The following CNTN6 variants were observed in gnomAD, a reference collection of about 807,000 sequenced individuals.
CNTN6 encodes contactin 6.
CNTN6 carries 137 observed loss-of-function variants against 122.8 expected under a neutral mutation model. The observed-to-expected ratio is 1.12, with a 90% confidence interval of 0.97 to 1.29. The LOEUF is 1.29. CNTN6 is among the 50% of genes most tolerant of loss of function. CNTN6 has a pLI of 0.00. For synonymous variants in CNTN6, 570 were observed against 426.0 expected (o/e 1.34, Z -4.16); for missense variants, 1,634 against 1,223.4 (o/e 1.34, Z -5.01).
chr3:1,134,914 G>T (rs1226939636), intron 1 of CNTN6, among the ~76,000 whole-genome samples: 2 of 152,036 alleles, frequency 1.3e-5, no homozygotes. Flanking sequence ...TTAGTCCCCT[G>T]CCCTTGGAGA....
At chr3:1,262,906 T>C (rs969155799) in intron 4 of CNTN6, among the ~76,000 whole-genome samples, 11 of 152,122 alleles carry the variant, frequency 7.2e-5, no homozygotes, top group African/African-American at 2.4e-4. Flanking sequence ...AAGAAGATAA[T>C]TGGTATAATA....
In CNTN6 at chr3:1,383,414, C is replaced by G. The variant is rs764339030; in HGVS notation, c.2517+6C>G. On this transcript the variant is annotated splice_donor_region_variant and intron_variant, in intron 19 of 22. Transcript: ENST00000446702. ...GAAGAGTGCTGGGCTATGAGGTAAT[C>G]CACATTAATTTCACTTTTGCTTATG... 6 of 1,607,418 alleles carry G rather than the reference C, an allele frequency of 3.7e-6. No homozygotes were observed. The highest frequency in any genetic ancestry group is 5.1e-6 in the Non-Finnish European group (6 of 1,174,176).
At chr3:1,097,279 G>A (rs1225716420) in intron 1 of CNTN6, among the ~76,000 whole-genome samples, 2 of 152,124 alleles carry the variant, frequency 1.3e-5, no homozygotes, top group African/African-American at 4.8e-5. Flanking sequence ...TTACAGAAAC[G>A]TTACATCATA....
chr3:1,214,413 A>G (rs1239675898), intron 2 of CNTN6, among the ~76,000 whole-genome samples: 1 of 142,418 alleles, frequency 7.0e-6, no homozygotes, highest in East Asian at 2.2e-4. Context: ...AGTTCAAGCG[A>G]TTCTCCTGCC....
chr3:1,229,857 C>T (rs1001503933), intron 4 of CNTN6, among the ~76,000 whole-genome samples: 1 of 152,110 alleles, frequency 6.6e-6, no homozygotes, highest in Non-Finnish European at 1.5e-5. Flanking sequence ...ATTTCTATTA[C>T]CTTTAATGCA....
chr3:1,330,644 A>C (rs879517526), intron 11 of CNTN6, among the ~76,000 whole-genome samples: 2 of 151,842 alleles, frequency 1.3e-5, no homozygotes, highest in African/African-American at 2.4e-5. Flanking sequence ...ATTAAATCCT[A>C]ATGTGAACGA....
At chr3:1,387,195 T>C (rs190918985) in intron 20 of CNTN6, among the ~76,000 whole-genome samples, 1 of 151,910 alleles carries the variant, frequency 6.6e-6, no homozygotes, top group Non-Finnish European at 1.5e-5. Context: ...TGGAAGCATC[T>C]TAGAAAATAC....
At position 1,295,598 on chromosome 3, in the gene CNTN6, C is replaced by G; in HGVS notation, c.455-3C>G. On this transcript the variant is annotated splice_polypyrimidine_tract_variant and splice_region_variant and intron_variant, in intron 5 of 22. Coordinates refer to ENST00000446702, the MANE Select transcript of CNTN6 (RefSeq NM_001289080.2). Reference sequence around the variant, plus strand: ...TTGTTTTGTTTTGTTTCTTGTTTTTCAGATTTATCTTATGCATGGACCTTC... The same window carrying G: ...TTGTTTTGTTTTGTTTCTTGTTTTTGAGATTTATCTTATGCATGGACCTTC... 1 of 1,609,576 alleles carries G rather than the reference C, an allele frequency of 6.2e-7. No individual in the cohort carries two copies.
rs529083535 is a variant in CNTN6 at position 1,212,600 on chromosome 3, T to C, written c.56-8087T>C. Among the ~76,000 whole-genome samples, 48 of 151,948 alleles carry C rather than the reference T, an allele frequency of 3.2e-4. 1 individual carries two copies. The highest frequency in any genetic ancestry group is 6.0e-4 in the Non-Finnish European group (41 of 67,956). On this transcript the variant is annotated intron_variant, in intron 2 of 22. Transcript: ENST00000446702. ...TAGTATGTGTCTTCAATACAATTACTCACTGATTGTAGCAGTGGCTCAAAA... is the reference window on the plus strand; with the variant it reads ...TAGTATGTGTCTTCAATACAATTACCCACTGATTGTAGCAGTGGCTCAAAA...
intron 2 of CNTN6, among the ~76,000 whole-genome samples, chr3:1,157,969 A>G (rs965474250): frequency 4.6e-5 from 7 of 152,216 alleles, no homozygotes; most frequent in Middle Eastern, 3.2e-3. Flanking sequence ...GCATGCAGAT[A>G]TATCTTCGAT....
chr3:1,346,891 G>C (rs968623149), intron 11 of CNTN6, among the ~76,000 whole-genome samples: 2 of 152,096 alleles, frequency 1.3e-5, no homozygotes, highest in Non-Finnish European at 1.5e-5. Flanking sequence ...CCATCAAATA[G>C]AAGGTAATAG....
At chr3:1,303,583 C>T (rs1697804499) in intron 7 of CNTN6, among the ~76,000 whole-genome samples, 1 of 152,126 alleles carries the variant, frequency 6.6e-6, no homozygotes, top group Non-Finnish European at 1.5e-5. Flanking sequence ...ATTCTCTGCA[C>T]TGTAATTATA....
intron 2 of CNTN6, among the ~76,000 whole-genome samples, chr3:1,201,554 T>G (rs1266336566): frequency 2.0e-5 from 3 of 152,148 alleles, no homozygotes; most frequent in African/African-American, 7.2e-5. Flanking sequence ...CCTCACAAGA[T>G]TCGATTAGAT....
At chr3:1,286,923 A>T (rs1694444522) in intron 5 of CNTN6, among the ~76,000 whole-genome samples, 1 of 152,252 alleles carries the variant, frequency 6.6e-6, no homozygotes. Flanking sequence ...TTGCAATCCT[A>T]GTCACTGATA....
intron 2 of CNTN6, among the ~76,000 whole-genome samples, chr3:1,202,113 C>G (rs548214490): frequency 6.6e-6 from 1 of 152,130 alleles, no homozygotes; most frequent in Admixed American, 6.5e-5. Context: ...CAGTTCATGT[C>G]GCTGGGGAGT....
At chr3:1,161,276 T>TAA (rs1488903920) in intron 2 of CNTN6, among the ~76,000 whole-genome samples, 1 of 102,554 alleles carries the variant, frequency 9.8e-6, no homozygotes, top group Admixed American at 9.2e-5. Context: ...TATATATATA[T>TAA]AATGATAGCA....
intron 12 of CNTN6, among the ~76,000 whole-genome samples, chr3:1,355,796 ATGT>A (rs1706453705): frequency 1.3e-5 from 2 of 151,934 alleles, no homozygotes; most frequent in South Asian, 2.1e-4. Flanking sequence ...CATGCAAGAA[ATGT>A]TGTTGTTAGA....
intron 20 of CNTN6, among the ~76,000 whole-genome samples, chr3:1,392,557 G>C (rs1355870765): frequency 6.1e-5 from 9 of 148,198 alleles, no homozygotes; most frequent in Non-Finnish European, 1.4e-4. Context: ...TTGACAAATG[G>C]GATCTAATTA....
At chr3:1,314,837 G>T (rs1006729890) in intron 7 of CNTN6, among the ~76,000 whole-genome samples, 3 of 151,956 alleles carry the variant, frequency 2.0e-5, no homozygotes, top group African/African-American at 7.2e-5. Context: ...CACATTTCAG[G>T]CAACCTTCAT....
Sources: allele counts gnomAD v4.1 joint callset (sites outside exome capture counted in the v4.1 genomes callset), GRCh38; gene constraint gnomAD v4.1.1; transcripts MANE v1.5; gene names NCBI Gene and HGNC (gene_info 2026-07-23, HGNC 2026-07-21).